The following HMGCLL1 variants were observed in gnomAD, a reference collection of about 807,000 sequenced individuals.
HMGCLL1 encodes the protein 3-hydroxymethyl-3-methylglutaryl-CoA lyase, cytoplasmic.
A neutral mutation model predicts 39.1 loss-of-function variants in HMGCLL1; 36 were observed. The ratio of observed to expected loss-of-function variants is 0.92; its 90% CI spans 0.71 to 1.22. The LOEUF (loss-of-function observed/expected upper bound fraction) is 1.22. Ranked by LOEUF, HMGCLL1 falls within the 50% of genes most tolerant of loss-of-function variation. The probability of loss-of-function intolerance (pLI) is 0.00; values close to 1 mark genes in which losing one functional copy is unlikely to be tolerated. For missense variants in HMGCLL1, 451 were observed against 416.5 expected, an observed-to-expected ratio of 1.08 and a Z score of -0.72; for synonymous variants, 149 against 144.0, an observed-to-expected ratio of 1.03 and a Z score of -0.25.
At chr6:55,586,227 T>A in the HMGCLL1 span, among the ~76,000 whole-genome samples, 1 of 152,088 alleles carries the variant, frequency 6.6e-6, no homozygotes, top group East Asian at 1.9e-4. Context: ...AGGCAGTAGG[T>A]TTCTCGTTTA....
At chr6:55,568,584 CT>C (rs1482602503) in intron 1 of HMGCLL1, among the ~76,000 whole-genome samples, 1 of 152,088 alleles carries the variant, frequency 6.6e-6, no homozygotes, top group African/African-American at 2.4e-5. Context: ...TTGGGCTCAC[CT>C]AGGCTGATAA....
intron 5 of HMGCLL1, among the ~76,000 whole-genome samples, chr6:55,509,915 A>T (rs2127433605): frequency 6.6e-6 from 1 of 152,058 alleles, no homozygotes; most frequent in South Asian, 2.1e-4. Context: ...TTCTCGGAAA[A>T]TCTGACTCCT....
chr6:55,436,775 G>A (rs192567623), intron 8 of HMGCLL1, among the ~76,000 whole-genome samples: 102 of 152,104 alleles, frequency 6.7e-4, no homozygotes, highest in African/African-American at 2.3e-3. Context: ...GAGACATTTC[G>A]ATATAGCTAA....
chr6:55,450,196 A>G (rs186582786), intron 7 of HMGCLL1, among the ~76,000 whole-genome samples: 14 of 152,362 alleles, frequency 9.2e-5, no homozygotes, highest in Non-Finnish European at 1.9e-4. Context: ...CACAGTGATG[A>G]GTGCAACAGA....
At chr6:55,661,953 G>T in the HMGCLL1 span, among the ~76,000 whole-genome samples, 1 of 151,656 alleles carries the variant, frequency 6.6e-6, no homozygotes, top group Admixed American at 6.6e-5. Context: ...TGCATTCGTA[G>T]GTATATTCTT....
At chr6:55,526,873 C>T (rs1249360919) in intron 3 of HMGCLL1, among the ~76,000 whole-genome samples, 1 of 151,944 alleles carries the variant, frequency 6.6e-6, no homozygotes, top group Non-Finnish European at 1.5e-5. Flanking sequence ...AGCAGAGGGC[C>T]TAGAGTTCAC....
At chr6:55,662,895 ATT>A in the HMGCLL1 span, among the ~76,000 whole-genome samples, 1 of 151,572 alleles carries the variant, frequency 6.6e-6, no homozygotes, top group African/African-American at 2.4e-5. Flanking sequence ...CAGGTAATCA[ATT>A]TTTTTCTGTT....
At chr6:55,535,507 C>T (rs1768963667) in intron 3 of HMGCLL1, among the ~76,000 whole-genome samples, 1 of 152,094 alleles carries the variant, frequency 6.6e-6, no homozygotes, top group Admixed American at 6.5e-5. Flanking sequence ...GTTTTGATCT[C>T]CATGCCGGCA....
At chr6:55,598,203 T>C in the HMGCLL1 span, among the ~76,000 whole-genome samples, 1 of 152,172 alleles carries the variant, frequency 6.6e-6, no homozygotes, top group Non-Finnish European at 1.5e-5. Flanking sequence ...TTGCCAAATG[T>C]CTTGTATATA....
At chr6:55,613,395 A>G in the HMGCLL1 span, among the ~76,000 whole-genome samples, 1 of 152,154 alleles carries the variant, frequency 6.6e-6, no homozygotes, top group African/African-American at 2.4e-5. Flanking sequence ...GCGATTCCTC[A>G]AGGATCTAGA....
At chr6:55,523,630 C>G (rs147597644) in intron 3 of HMGCLL1, among the ~76,000 whole-genome samples, 18 of 151,888 alleles carry the variant, frequency 1.2e-4, no homozygotes, top group Non-Finnish European at 2.6e-4. Flanking sequence ...TATTCTCATA[C>G]ACTGAAAATA....
the HMGCLL1 span, among the ~76,000 whole-genome samples, chr6:55,655,567 G>GAT: frequency 1.3e-4 from 19 of 151,892 alleles, no homozygotes; most frequent in African/African-American, 4.6e-4. Flanking sequence ...TAGATAGATA[G>GAT]ATAGATAGAT....
intron 7 of HMGCLL1, among the ~76,000 whole-genome samples, chr6:55,476,117 A>G (rs776279144): frequency 6.6e-6 from 1 of 151,784 alleles, no homozygotes; most frequent in Non-Finnish European, 1.5e-5. Context: ...TTCCTTGCAC[A>G]CACACAGATC....
At chr6:55,499,616 T>C (rs543924102) in intron 5 of HMGCLL1, among the ~76,000 whole-genome samples, 3 of 152,188 alleles carry the variant, frequency 2.0e-5, no homozygotes, top group South Asian at 2.1e-4. Flanking sequence ...CAGTGAAATA[T>C]ATGGTTTTAT....
chr6:55,536,665 T>G (rs62404045), intron 3 of HMGCLL1, among the ~76,000 whole-genome samples: 98,353 of 151,800 alleles, frequency 0.65, 32,167 homozygotes, highest in Admixed American at 0.71. Flanking sequence ...AGGAAAGCTT[T>G]TCCCAGATAA....
At chr6:55,569,235 CT>C (rs941772254) in intron 1 of HMGCLL1, among the ~76,000 whole-genome samples, 6 of 152,166 alleles carry the variant, frequency 3.9e-5, no homozygotes, top group Admixed American at 1.3e-4. Flanking sequence ...TCATAGCAGT[CT>C]TTTTTTCATG....
intron 3 of HMGCLL1, 104 bp downstream of exon 3, chr6:55,541,625 T>A: frequency 1.6e-6 from 1 of 642,808 alleles, no homozygotes. Context: ...TTTGAAAGAA[T>A]ATGGAAAATT....
At chr6:55,647,665 A>T in the HMGCLL1 span, among the ~76,000 whole-genome samples, 5 of 151,520 alleles carry the variant, frequency 3.3e-5, 1 homozygote, top group African/African-American at 1.2e-4. Flanking sequence ...CGCAAAAAGG[A>T]AACTAATAAA....
the HMGCLL1 span, among the ~76,000 whole-genome samples, chr6:55,645,840 A>G: frequency 6.6e-6 from 1 of 151,636 alleles, no homozygotes; most frequent in African/African-American, 2.4e-5. Flanking sequence ...TTAGAGAGAT[A>G]TTGGTTTGTA....
Sources: allele counts gnomAD v4.1 joint callset (sites outside exome capture counted in the v4.1 genomes callset), GRCh38; gene constraint gnomAD v4.1.1; transcripts MANE v1.5; gene names NCBI Gene and HGNC (gene_info 2026-07-23, HGNC 2026-07-21).